Variants in SLX9 observed in about 807,000 individuals in gnomAD.
The protein encoded by SLX9 is ribosome biogenesis protein SLX9 homolog.
In SLX9, 19 loss-of-function variants were observed where a neutral mutation model predicts 20.8. The observed-to-expected ratio is 0.91, with a 90% CI of 0.64 to 1.34. SLX9 has a LOEUF of 1.34. SLX9 is among the 40% of genes most tolerant of loss of function. The pLI, the probability that SLX9 is intolerant of heterozygous loss-of-function variation, is 0.00. For missense variants in SLX9, 299 were observed against 322.2 expected (o/e 0.93, Z 0.55); for synonymous variants, 113 against 137.1 (o/e 0.82, Z 1.23).
chr21:44,959,925 A>G (rs2084924274), intron 2 of SLX9, among the ~76,000 whole-genome samples, 175 bp from the exon 3 acceptor site: 1 of 152,176 alleles, frequency 6.6e-6, no homozygotes, highest in Admixed American at 6.5e-5. Flanking sequence ...GGGCCGAGGC[A>G]TGCTGCAGGT....
At chr21:44,968,747 T>A (rs2085085959) in intron 4 of SLX9, among the ~76,000 whole-genome samples, 1 of 145,494 alleles carries the variant, frequency 6.9e-6, no homozygotes, top group East Asian at 2.0e-4. Context: ...TTGTGTCATC[T>A]CTGTGCTTTT....
chr21:44,976,937 T>G lies in SLX9; in HGVS notation c.*134T>G. ...TCGGTTGTGGGGCTCAATAAATGGC[T>G]CTGTGAACTTCCCCTGCACTGCCAG... On this transcript the variant is annotated 3_prime_UTR_variant, in exon 6 of 6. Transcript: ENST00000291634. 8.1e-7 allele frequency: 1 copy of G among 1,242,114 alleles called. No individual in the cohort carries two copies. Among genetic ancestry groups the G allele is most frequent in the Non-Finnish European group, 1.1e-6 (1 of 899,460 alleles). 76.9% of individuals were successfully genotyped at this position (1,242,114 alleles called of 1,614,324 possible). A position where few individuals can be genotyped will look rare whatever the true frequency, so the allele number is the denominator to read the frequency against.
chr21:44,971,053 C>G (rs184320508), intron 4 of SLX9, among the ~76,000 whole-genome samples: 6 of 98,732 alleles, frequency 6.1e-5, no homozygotes, highest in Non-Finnish European at 1.3e-4. Context: ...ACACTTGACT[C>G]CGGTGACCCC....
chr21:44,976,142 G>C (rs7282533), intron 5 of SLX9, among the ~76,000 whole-genome samples: 41,551 of 152,258 alleles, frequency 0.27, 8,155 homozygotes, highest in African/African-American at 0.55. Flanking sequence ...CTGGCTGCGC[G>C]GGGTTTAGAG....
rs2084522239 is a variant in SLX9 at position 44,940,478 on chromosome 21, T to G, written c.129+292T>G. Among the ~76,000 whole-genome samples the G allele has an allele frequency of 2.6e-5, 4 of 152,172 alleles. No homozygotes were observed. The South Asian group carries it at 8.3e-4, about 32-fold the overall frequency. The stretch of plus-strand genomic sequence containing the variant: ...CACGCGGACCCCAGAGGTTCCTGAA[T>G]CGCACTGAGCTCCCCGGAAAGGAAA... On this transcript the variant is annotated intron_variant, in intron 1 of 5. Coordinates refer to ENST00000291634, the MANE Select transcript of SLX9 (RefSeq NM_058190.4).
intron 4 of SLX9, among the ~76,000 whole-genome samples, chr21:44,969,621 T>G (rs1357742080): frequency 6.6e-6 from 1 of 152,106 alleles, no homozygotes. Context: ...CGTAGAAAAA[T>G]GGCAAAGATG....
chr21:44,950,460 G>A (rs887102328), intron 2 of SLX9, among the ~76,000 whole-genome samples: 23 of 152,374 alleles, frequency 1.5e-4, no homozygotes, highest in African/African-American at 4.8e-4. Context: ...CCTTGGCTGC[G>A]TGGTGCGGCG....
chr21:44,966,286 G>A (rs906834589), intron 3 of SLX9, among the ~76,000 whole-genome samples: 13 of 152,068 alleles, frequency 8.5e-5, no homozygotes, highest in Non-Finnish European at 1.9e-4. Context: ...CCCCCAGGGG[G>A]CACAGGTCTG....
At chr21:44,969,864 C>T (rs1033647644) in intron 4 of SLX9, among the ~76,000 whole-genome samples, 1 of 152,248 alleles carries the variant, frequency 6.6e-6, no homozygotes, top group Non-Finnish European at 1.5e-5. Context: ...ATGGCTCCCT[C>T]GGCCCGTCTT....
At chr21:44,970,664 TG>T (rs1369913396) in intron 4 of SLX9, among the ~76,000 whole-genome samples, 1 of 152,212 alleles carries the variant, frequency 6.6e-6, no homozygotes, top group Non-Finnish European at 1.5e-5. Context: ...TCTTGGACTC[TG>T]ATGTGCTTTG....
At chr21:44,944,238 G>A (rs76044420) in intron 2 of SLX9, among the ~76,000 whole-genome samples, 3 of 152,318 alleles carry the variant, frequency 2.0e-5, no homozygotes, top group Non-Finnish European at 2.9e-5. Flanking sequence ...TTATCATTTT[G>A]TACAAATAAC....
intron 4 of SLX9, among the ~76,000 whole-genome samples, chr21:44,971,598 C>T (rs867703174): frequency 3.3e-5 from 5 of 152,180 alleles, no homozygotes; most frequent in South Asian, 4.1e-4. Context: ...CTCCAGGGCC[C>T]GAGGTTTCCC....
intron 4 of SLX9, chr21:44,969,209 AGC>A (rs2085097332): frequency 2.1e-6 from 1 of 469,884 alleles, no homozygotes; most frequent in African/African-American, 2.0e-5. Flanking sequence ...AGGCCCAGGC[AGC>A]TCCAGGCTGG....
intron 5 of SLX9, among the ~76,000 whole-genome samples, chr21:44,973,620 C>T (rs9754226): frequency 3.8e-5 from 2 of 51,988 alleles, no homozygotes; most frequent in African/African-American, 1.0e-4. Flanking sequence ...GCCCTCACCC[C>T]GCCCACCCTC....
At chr21:44,972,983 C>T (rs1417114227) in intron 4 of SLX9, 6 of 626,670 alleles carry the variant, frequency 9.6e-6, no homozygotes, top group African/African-American at 4.0e-5. Flanking sequence ...ACTGCTTGTC[C>T]GGGGCGGTCA....
chr21:44,954,162 C>T (rs73906975), intron 2 of SLX9, among the ~76,000 whole-genome samples: 3,121 of 152,170 alleles, frequency 0.021, 113 homozygotes, highest in African/African-American at 0.072. Context: ...GTGCCAGGAG[C>T]CTGCTGCTGT....
At chr21:44,969,183 G>A in intron 4 of SLX9, 1 of 470,514 alleles carries the variant, frequency 2.1e-6, no homozygotes, top group Non-Finnish European at 4.4e-6. Context: ...CTCGAGGGTG[G>A]CAGGTCACGC....
At chr21:44,969,625 AAAGATGGTGCC>A (rs2085106471) in intron 4 of SLX9, among the ~76,000 whole-genome samples, 1 of 152,176 alleles carries the variant, frequency 6.6e-6, no homozygotes, top group African/African-American at 2.4e-5. Context: ...GAAAAATGGC[AAAGATGGTGCC>A]AAGAGCTCCA....
chr21:44,975,074 T>G (rs1239690659), intron 5 of SLX9, among the ~76,000 whole-genome samples: 2 of 152,218 alleles, frequency 1.3e-5, no homozygotes, highest in African/African-American at 2.4e-5. Flanking sequence ...GCCCCTTCCT[T>G]GTTCACTCCG....
Sources: gnomAD v4.1 joint callset for allele counts (sites outside exome capture counted in the v4.1 genomes callset) on GRCh38, gnomAD v4.1.1 for gene constraint, MANE v1.5 for transcripts, NCBI Gene and HGNC (gene_info 2026-07-23, HGNC 2026-07-21) for gene names.